NECAB2: variants seen among roughly 807,000 people sequenced by gnomAD.
The protein encoded by NECAB2 is N-terminal EF-hand calcium-binding protein 2.
NECAB2 carries 68 observed loss-of-function variants against 51.9 expected under a neutral mutation model. The ratio of observed to expected loss-of-function variants is 1.31; its 90% CI spans 1.08 to 1.60. The LOEUF is 1.60. Among genes scored for constraint, NECAB2 ranks in the 40% most tolerant of loss-of-function variants. The pLI is 0.00. For missense variants in NECAB2, 854 were observed against 490.3 expected (o/e 1.74, Z -7.00); for synonymous variants, 329 against 203.5 (o/e 1.62, Z -5.25).
At chr16:83,997,939 G>A (rs2084740860) in intron 9 of NECAB2, among the ~76,000 whole-genome samples, 1 of 152,180 alleles carries the variant, frequency 6.6e-6, no homozygotes, top group African/African-American at 2.4e-5. Context: ...AGGCTGTGCA[G>A]GTGGTTGTGG....
chr16:83,993,664 G>C (rs1218253771), intron 6 of NECAB2: 1 of 157,790 alleles, frequency 6.3e-6, no homozygotes, highest in Admixed American at 6.5e-5. Context: ...GTGTGTGTGT[G>C]TGTGTCTGCC....
chr16:84,000,662 A>C, intron 10 of NECAB2, 62 bp from the exon 11 acceptor site: 14 of 1,447,276 alleles, frequency 9.7e-6, no homozygotes, highest in Non-Finnish European at 1.4e-5. Flanking sequence ...CCCCAGGGGA[A>C]CAGCACTGAG....
In NECAB2 at chr16:83,968,631, G is replaced by T; in HGVS notation, c.-18G>T. 1.0e-6 allele frequency: 1 copy of T among 979,382 alleles called. No homozygotes were observed. The highest frequency in any genetic ancestry group is 4.5e-5 in the South Asian group (1 of 22,036). 60.7% of individuals were successfully genotyped at this position (979,382 alleles called of 1,614,324 possible). On this transcript the variant is annotated 5_prime_UTR_variant, in exon 1 of 13. Transcript: ENST00000305202. ...GGGGGTCGGCGGGCTTCCGGGCGGCGGCGGCGGGCGCGGCGCGATGTGCGA... is the reference window on the plus strand; with the variant it reads ...GGGGGTCGGCGGGCTTCCGGGCGGCTGCGGCGGGCGCGGCGCGATGTGCGA...
chr16:83,986,240 C>G (rs1012939868), intron 5 of NECAB2, among the ~76,000 whole-genome samples: 3 of 152,128 alleles, frequency 2.0e-5, no homozygotes, highest in Non-Finnish European at 4.4e-5. Context: ...TGGTCTTGAA[C>G]TCCTGACGTC....
chr16:83,979,906 C>A (rs931366342), intron 3 of NECAB2, among the ~76,000 whole-genome samples: 2 of 152,178 alleles, frequency 1.3e-5, no homozygotes, highest in African/African-American at 4.8e-5. Flanking sequence ...GTGTACAAAC[C>A]ATCAAAAAGT....
intron 5 of NECAB2, among the ~76,000 whole-genome samples, chr16:83,989,394 CTGTT>C (rs1317900750): frequency 6.6e-6 from 1 of 152,216 alleles, no homozygotes; most frequent in Non-Finnish European, 1.5e-5. Context: ...TCCTCCTCCT[CTGTT>C]TCTCAGTCTG....
intron 5 of NECAB2, 23 bp downstream of exon 5, chr16:83,981,150 C>T (rs376583288): frequency 2.3e-5 from 34 of 1,481,196 alleles, no homozygotes; most frequent in Middle Eastern, 1.8e-4. Flanking sequence ...AGGTGGCCCC[C>T]GGGGTCCAGG....
upstream of NECAB2, chr16:83,965,703 T>C: frequency 6.2e-7 from 1 of 1,613,634 alleles, no homozygotes; most frequent in Non-Finnish European, 8.5e-7. Context: ...CAGGCCGTGT[T>C]CCAGGACCTC....
intron 5 of NECAB2, among the ~76,000 whole-genome samples, chr16:83,982,128 G>A (rs1245180786): frequency 6.6e-6 from 1 of 152,190 alleles, no homozygotes; most frequent in Admixed American, 6.5e-5. Context: ...AAAGGCACCT[G>A]CTGGTTTGTA....
rs2084364913 is a variant in NECAB2 at position 83,972,930 on chromosome 16, GCAACGCAACTCACCGTGGACTTGAAC to G, written c.226+759_226+784del. 5.9e-5 allele frequency among the ~76,000 whole-genome samples: 9 copies of G among 152,326 alleles called. No individual in the cohort carries two copies. The South Asian group carries it at 1.9e-3, about 32-fold the overall frequency. ...AAATACCAGAATCATTATTACAGTT[GCAACGCAACTCACCGTGGACTTGAAC>G]CAAGACAGATTCCCTCTCTGGGCCT... On this transcript the variant is annotated intron_variant, in intron 2 of 12. Transcript: ENST00000305202.
At chr16:83,969,142 C>G (rs1160106110) in intron 1 of NECAB2, among the ~76,000 whole-genome samples, 4 of 151,772 alleles carry the variant, frequency 2.6e-5, no homozygotes, top group African/African-American at 9.7e-5. Context: ...CGGACCCGGC[C>G]ACTGTCCCCC....
chr16:83,987,519 C>T (rs2084571143), intron 5 of NECAB2, among the ~76,000 whole-genome samples: 1 of 152,156 alleles, frequency 6.6e-6, no homozygotes, highest in African/African-American at 2.4e-5. Flanking sequence ...CTATCCCTAA[C>T]CACTGGTAAC....
At chr16:83,996,322 G>GT (rs2084698025) in intron 8 of NECAB2, among the ~76,000 whole-genome samples, 1 of 152,198 alleles carries the variant, frequency 6.6e-6, no homozygotes, top group Admixed American at 6.5e-5. Flanking sequence ...TGTGCCCCCA[G>GT]AAGGCAGTAC....
upstream of NECAB2, among the ~76,000 whole-genome samples, chr16:83,967,636 A>G (rs1226380715): frequency 3.8e-5 from 3 of 78,474 alleles, no homozygotes; most frequent in Admixed American, 1.6e-4. Context: ...AGGGGGGTGG[A>G]TAGATGGATA....
chr16:84,002,007 C>A, intron 12 of NECAB2, 91 bp downstream of exon 12: 1 of 1,416,494 alleles, frequency 7.1e-7, no homozygotes, highest in Admixed American at 1.9e-5. Flanking sequence ...CGGGGACTTG[C>A]CTGCTTGCTG....
At chr16:83,970,441 A>G (rs2243556) in intron 1 of NECAB2, among the ~76,000 whole-genome samples, 44,493 of 151,960 alleles carry the variant, frequency 0.29, 11,688 homozygotes, top group African/African-American at 0.71. Context: ...GGGCTTGGGG[A>G]TCTGAGGTTC....
upstream of NECAB2, among the ~76,000 whole-genome samples, chr16:83,967,798 G>A (rs909107118): frequency 2.7e-5 from 4 of 148,954 alleles, no homozygotes; most frequent in Admixed American, 2.7e-4. Context: ...TGCCAGGGAG[G>A]GAGGATGAGT....
At chr16:83,975,892 G>A (rs115213997) in intron 2 of NECAB2, among the ~76,000 whole-genome samples, 1,776 of 152,304 alleles carry the variant, frequency 0.012, 30 homozygotes, top group African/African-American at 0.041. Context: ...TTGGACTGGG[G>A]GCCTACGTAG....
chr16:83,969,609 C>G (rs1347623371), intron 1 of NECAB2, among the ~76,000 whole-genome samples: 1 of 152,130 alleles, frequency 6.6e-6, no homozygotes, highest in African/African-American at 2.4e-5. Context: ...TCACCCATCT[C>G]TGGGAAGCCC....
Sources: gnomAD v4.1 joint callset for allele counts (sites outside exome capture counted in the v4.1 genomes callset) on GRCh38, gnomAD v4.1.1 for gene constraint, MANE v1.5 for transcripts, NCBI Gene and HGNC (gene_info 2026-07-23, HGNC 2026-07-21) for gene names.